Variants in PCDH15 observed in about 807,000 individuals in gnomAD.
PCDH15 encodes protocadherin related 15, also known as protocadherin-15.
A neutral mutation model predicts 178.5 loss-of-function variants in PCDH15; 129 were observed. The observed-to-expected ratio is 0.72, with a 90% CI of 0.63 to 0.84. The LOEUF (loss-of-function observed/expected upper bound fraction) is 0.84, where lower values mean the gene tolerates loss of function less well. Among genes scored for constraint, PCDH15 ranks in the 40% least tolerant of loss-of-function variants. The probability of loss-of-function intolerance (pLI) is 0.00; values close to 1 mark genes in which losing one functional copy is unlikely to be tolerated. For missense variants in PCDH15, 2,230 were observed against 2,099.9 expected (o/e 1.06, Z -1.21); for synonymous variants, 800 against 732.0 (o/e 1.09, Z -1.50).
At chr10:53,825,144 A>G (rs1340032432) in intron 32 of PCDH15, 5 of 1,541,716 alleles carry the variant, frequency 3.2e-6, no homozygotes, top group Non-Finnish European at 4.4e-6. Flanking sequence ...ACTTATGCCT[A>G]TGTATCCACA....
chr10:54,143,573 T>C (rs967396203), intron 14 of PCDH15, among the ~76,000 whole-genome samples: 9 of 152,168 alleles, frequency 5.9e-5, no homozygotes, highest in African/African-American at 1.7e-4. Flanking sequence ...TTCATAAAGA[T>C]TGTTAACCCA....
chr10:55,414,363 TA>T (rs1470647875), intron 2 of PCDH15, among the ~76,000 whole-genome samples: 1 of 151,546 alleles, frequency 6.6e-6, no homozygotes, highest in African/African-American at 2.4e-5. Context: ...ATGTTCAAAA[TA>T]AAAAATCCAC....
At chr10:54,982,336 T>C (rs1839256854) in intron 2 of PCDH15, among the ~76,000 whole-genome samples, 1 of 152,146 alleles carries the variant, frequency 6.6e-6, no homozygotes, top group African/African-American at 2.4e-5. Context: ...AAATTATAAT[T>C]AAACCTAACA....
chr10:54,843,736 GT>G (rs1564561369), intron 3 of PCDH15, among the ~76,000 whole-genome samples: 1 of 151,924 alleles, frequency 6.6e-6, no homozygotes, highest in African/African-American at 2.4e-5. Flanking sequence ...TTCAATAAAC[GT>G]AGTAAATAAA....
intron 2 of PCDH15, among the ~76,000 whole-genome samples, chr10:55,616,790 G>T (rs1396420196): frequency 6.6e-6 from 1 of 151,996 alleles, no homozygotes; most frequent in Non-Finnish European, 1.5e-5. Context: ...GTTGATATTT[G>T]GTCTCTACAA....
At chr10:54,520,350 C>T (rs1198764634) in intron 3 of PCDH15, among the ~76,000 whole-genome samples, 2 of 152,082 alleles carry the variant, frequency 1.3e-5, no homozygotes, top group African/African-American at 4.8e-5. Context: ...CTACAATGAA[C>T]TCAAACAAAT....
intron 2 of PCDH15, among the ~76,000 whole-genome samples, chr10:55,591,503 G>C (rs764719821): frequency 1.3e-5 from 2 of 151,988 alleles, no homozygotes; most frequent in Non-Finnish European, 2.9e-5. Context: ...AAAAAGGTAA[G>C]TGGTCATCAT....
intron 1 of PCDH15, among the ~76,000 whole-genome samples, chr10:54,694,659 A>G (rs762014978): frequency 2.0e-5 from 3 of 151,978 alleles, no homozygotes; most frequent in Admixed American, 1.3e-4. Flanking sequence ...ATCAACTACT[A>G]TTGTAGTTGA....
chr10:54,258,596 A>C (rs1288859932), intron 8 of PCDH15, among the ~76,000 whole-genome samples: 1 of 152,068 alleles, frequency 6.6e-6, no homozygotes, highest in African/African-American at 2.4e-5. Flanking sequence ...TATAAAACAA[A>C]CCTTGTGTAA....
chr10:53,821,492 C>T lies in PCDH15; in HGVS notation c.4368-1262G>A, dbSNP rs187860910. 148 of 1,020,302 alleles carry T rather than the reference C, an allele frequency of 1.5e-4. 1 individual carries two copies. The highest frequency in any genetic ancestry group is 1.2e-3 in the African/African-American group (71 of 57,838). The allele number at this position is 1,020,302 out of a possible 1,614,324, so 63.2% of individuals were successfully genotyped here. A position where few individuals can be genotyped will look rare whatever the true frequency, so the allele number is the denominator to read the frequency against. ...TTCTTGGAACATTCATATAAAACTA[C>T]GATCAAAAACTAAATGTAAATGTTA... On this transcript the variant is annotated intron_variant, in intron 32 of 37. Coordinates refer to ENST00000644397, the MANE Select transcript of PCDH15 (RefSeq NM_001384140.1).
chr10:54,194,650 CTCTATCTATCTATCTA>C lies in PCDH15; in HGVS notation c.1305+1017_1305+1032del, dbSNP rs58429895. On this transcript the variant is annotated intron_variant, in intron 11 of 37. Coordinates refer to ENST00000644397, the MANE Select transcript of PCDH15 (RefSeq NM_001384140.1). The stretch of plus-strand genomic sequence containing the variant: ...TGTGTATGTATACCTGTGTATATAT[CTCTATCTATCTATCTA>C]TCTATCTATCTATCTATCTATCTAT... 3.3e-3 allele frequency among the ~76,000 whole-genome samples: 481 copies of C among 147,996 alleles called. 2 individuals carry two copies. The highest frequency in any genetic ancestry group is 0.014 in the Middle Eastern group (4 of 286).
intron 1 of PCDH15, among the ~76,000 whole-genome samples, chr10:54,751,565 T>C (rs10763137): frequency 0.5 from 76,258 of 151,952 alleles, 19,709 homozygotes; most frequent in Middle Eastern, 0.68. Context: ...TCTAGTTCAA[T>C]CATCTATGTT....
At chr10:55,172,037 G>T (rs1839348917) in intron 1 of PCDH15, among the ~76,000 whole-genome samples, 1 of 151,842 alleles carries the variant, frequency 6.6e-6, no homozygotes, top group Admixed American at 6.6e-5. Flanking sequence ...AACTCTTCCT[G>T]GTTGCTGTGG....
At chr10:55,565,032 A>AC (rs1182797379) in intron 2 of PCDH15, among the ~76,000 whole-genome samples, 1 of 151,728 alleles carries the variant, frequency 6.6e-6, no homozygotes, top group Non-Finnish European at 1.5e-5. Flanking sequence ...AGAATATTCT[A>AC]CCCCACAACA....
At chr10:53,983,342 C>T (rs1222573067) in intron 21 of PCDH15, among the ~76,000 whole-genome samples, 1 of 148,244 alleles carries the variant, frequency 6.7e-6, no homozygotes, top group African/African-American at 2.5e-5. Context: ...TCAAGGTATC[C>T]TTAAAGGACA....
At chr10:55,396,538 T>G (rs1837932713) in intron 2 of PCDH15, among the ~76,000 whole-genome samples, 1 of 152,104 alleles carries the variant, frequency 6.6e-6, no homozygotes, top group Non-Finnish European at 1.5e-5. Context: ...AAAATTGAGG[T>G]CTAATCGAGA....
intron 5 of PCDH15, among the ~76,000 whole-genome samples, chr10:54,352,134 C>T (rs1280687135): frequency 6.6e-6 from 1 of 151,976 alleles, no homozygotes; most frequent in East Asian, 1.9e-4. Context: ...CATATCAACA[C>T]AGAAACAAAA....
intron 1 of PCDH15, among the ~76,000 whole-genome samples, chr10:54,752,837 G>A (rs568915968): frequency 6.6e-6 from 1 of 152,220 alleles, no homozygotes; most frequent in East Asian, 1.9e-4. Flanking sequence ...GGAGCCACAG[G>A]AAGAGTAACG....
At chr10:54,222,629 C>T (rs2052968293) in intron 9 of PCDH15, among the ~76,000 whole-genome samples, 1 of 152,112 alleles carries the variant, frequency 6.6e-6, no homozygotes, top group Non-Finnish European at 1.5e-5. Context: ...TCAGATCTTC[C>T]ACATTTTCAC....
Sources: gnomAD v4.1 joint callset for allele counts (sites outside exome capture counted in the v4.1 genomes callset) on GRCh38, gnomAD v4.1.1 for gene constraint, MANE v1.5 for transcripts, NCBI Gene and HGNC (gene_info 2026-07-23, HGNC 2026-07-21) for gene names.